The following IRAK2 variants were observed in gnomAD, a reference collection of about 807,000 sequenced individuals.
IRAK2 encodes interleukin-1 receptor-associated kinase-like 2.
IRAK2 carries 57 observed loss-of-function variants against 72.0 expected under a neutral mutation model. The observed-to-expected ratio is 0.79, with a 90% CI of 0.64 to 0.99. IRAK2 has a LOEUF of 0.99. Ranked by LOEUF, IRAK2 falls within the 50% of genes least tolerant of loss-of-function variation. The pLI is 0.00. For synonymous variants in IRAK2, 293 were observed against 312.7 expected, an observed-to-expected ratio of 0.94 and a Z score of 0.67; for missense variants, 790 against 794.4, an observed-to-expected ratio of 0.99 and a Z score of 0.07.
chr3:10,211,787 T>C (rs1170915185), intron 4 of IRAK2, among the ~76,000 whole-genome samples: 1 of 151,946 alleles, frequency 6.6e-6, no homozygotes, highest in Non-Finnish European at 1.5e-5. Context: ...TTAAAAAAAT[T>C]GAAATTTAGG....
At chr3:10,210,885 A>T (rs776808) in intron 4 of IRAK2, among the ~76,000 whole-genome samples, 2 of 151,942 alleles carry the variant, frequency 1.3e-5, no homozygotes, top group Non-Finnish European at 2.9e-5. Context: ...TTTTTTGAGG[A>T]GTCTCGCTCC....
rs370720952 is a variant in IRAK2, at chr3:10,237,082, T to C, written c.1474-1666T>C. Among the ~76,000 whole-genome samples, 8 of 152,242 alleles carry C rather than the reference T, an allele frequency of 5.3e-5. No individual in the cohort carries two copies. In the South Asian group the frequency reaches 6.2e-4, roughly 12 times the overall value. On this transcript the variant is annotated intron_variant, in intron 11 of 12. Coordinates refer to ENST00000256458, the MANE Select transcript of IRAK2 (RefSeq NM_001570.4). Reference sequence around the variant, plus strand: ...ACACACTCCCTTTCTTTTAAAGATATAACCTGGAAATGCATCACTTTTTCT... The same window carrying C: ...ACACACTCCCTTTCTTTTAAAGATACAACCTGGAAATGCATCACTTTTTCT...
In IRAK2 at chr3:10,226,440, G is replaced by T; in HGVS notation, c.1272+7G>T. On this transcript the variant is annotated splice_region_variant and intron_variant, in intron 10 of 12. Coordinates refer to ENST00000256458, the MANE Select transcript of IRAK2 (RefSeq NM_001570.4). Reference sequence around the variant, plus strand: ...CCGAAGCCCGGTTTACCTGGTAAGGGAACTTGTCACATCTGGCTGGGAGGT... The same window carrying T: ...CCGAAGCCCGGTTTACCTGGTAAGGTAACTTGTCACATCTGGCTGGGAGGT... The T allele has an allele frequency of 1.9e-6, 3 of 1,611,984 alleles. No homozygotes were observed. The highest frequency in any genetic ancestry group is 3.3e-4 in the Middle Eastern group (2 of 6,048).
intron 11 of IRAK2, among the ~76,000 whole-genome samples, chr3:10,235,653 T>C (rs911752296): frequency 5.3e-5 from 8 of 152,150 alleles, no homozygotes; most frequent in African/African-American, 1.4e-4. Context: ...ACACCCACTT[T>C]TGACTTCTCT....
rs1378065880 is a variant in IRAK2 at position 10,238,745 on chromosome 3, A to G, written c.1474-3A>G. On this transcript the variant is annotated splice_polypyrimidine_tract_variant and splice_region_variant and intron_variant, in intron 11 of 12. Transcript: ENST00000256458. The stretch of plus-strand genomic sequence containing the variant: ...GAGCTCCCTTCTCTCTCTTCTCCCA[A>G]AGGTGTGTGGCTCTGTGGCTGCTGT... 6.2e-7 allele frequency: 1 copy of G among 1,613,232 alleles called. No individual in the cohort carries two copies. Among genetic ancestry groups the G allele is most frequent in the Non-Finnish European group, 8.5e-7 (1 of 1,179,510 alleles).
intron 1 of IRAK2, among the ~76,000 whole-genome samples, chr3:10,175,508 C>A (rs896566520): frequency 6.6e-6 from 1 of 152,232 alleles, no homozygotes; most frequent in African/African-American, 2.4e-5. Context: ...AATCCCAGCA[C>A]TTTAAGAGGT....
At chr3:10,201,016 G>C (rs952991341) in intron 3 of IRAK2, among the ~76,000 whole-genome samples, 1 of 152,186 alleles carries the variant, frequency 6.6e-6, no homozygotes, top group Non-Finnish European at 1.5e-5. Context: ...GAAACATACT[G>C]ACAATATCGG....
chr3:10,166,546 T>C (rs934716871), intron 1 of IRAK2, among the ~76,000 whole-genome samples: 2 of 152,194 alleles, frequency 1.3e-5, no homozygotes, highest in Non-Finnish European at 2.9e-5. Flanking sequence ...AGATGATAAT[T>C]ATAGCTTCTT....
intron 1 of IRAK2, among the ~76,000 whole-genome samples, chr3:10,172,537 CAAAAA>C (rs71055803): frequency 2.9e-5 from 1 of 34,928 alleles, no homozygotes; most frequent in African/African-American, 1.2e-4. Flanking sequence ...AACTCCGACT[CAAAAA>C]AAAAAAAAAA....
intron 10 of IRAK2, among the ~76,000 whole-genome samples, chr3:10,231,127 C>A (rs1476714424): frequency 6.6e-6 from 1 of 152,060 alleles, no homozygotes; most frequent in Non-Finnish European, 1.5e-5. Flanking sequence ...ATTATTTTAA[C>A]AGCTTTTAGG....
At chr3:10,176,582 A>G (rs1473177764) in intron 1 of IRAK2, among the ~76,000 whole-genome samples, 2 of 151,326 alleles carry the variant, frequency 1.3e-5, no homozygotes, top group African/African-American at 4.9e-5. Flanking sequence ...GGTTCATGAC[A>G]TTCTCCTGCC....
chr3:10,194,619 T>G (rs2125149571), intron 2 of IRAK2, among the ~76,000 whole-genome samples: 1 of 152,244 alleles, frequency 6.6e-6, no homozygotes, highest in African/African-American at 2.4e-5. Context: ...CGTTGCGTCT[T>G]TCTAGCTAGC....
At chr3:10,170,900 G>A (rs73121459) in intron 1 of IRAK2, among the ~76,000 whole-genome samples, 1,958 of 152,350 alleles carry the variant, frequency 0.013, 33 homozygotes, top group African/African-American at 0.045. Context: ...ACGAGTGACT[G>A]TGATTGACCC....
At chr3:10,236,180 G>T (rs1697954489) in intron 11 of IRAK2, among the ~76,000 whole-genome samples, 1 of 151,992 alleles carries the variant, frequency 6.6e-6, no homozygotes, top group Non-Finnish European at 1.5e-5. Context: ...AATGGCCTGA[G>T]CTGAGAGAGA....
At chr3:10,203,570 C>T (rs536434059) in intron 3 of IRAK2, among the ~76,000 whole-genome samples, 3 of 152,250 alleles carry the variant, frequency 2.0e-5, no homozygotes, top group African/African-American at 7.2e-5. Context: ...CCTGTGATAC[C>T]CTGGCTCCCC....
At chr3:10,230,309 T>A in intron 10 of IRAK2, among the ~76,000 whole-genome samples, 1 of 151,132 alleles carries the variant, frequency 6.6e-6, no homozygotes, top group Non-Finnish European at 1.5e-5. Context: ...GGTATGTTTG[T>A]TTGTTATCAT....
At chr3:10,187,304 TG>T (rs1410118949) in intron 2 of IRAK2, among the ~76,000 whole-genome samples, 1 of 152,230 alleles carries the variant, frequency 6.6e-6, no homozygotes. Flanking sequence ...TCCCATCTTC[TG>T]GCAAAGACTA....
chr3:10,215,751 TACACACACAC>T (rs145978380), intron 6 of IRAK2, among the ~76,000 whole-genome samples: 2 of 150,026 alleles, frequency 1.3e-5, no homozygotes, highest in South Asian at 2.1e-4. Flanking sequence ...CTCACATGTG[TACACACACAC>T]ACACACACAC....
intron 11 of IRAK2, among the ~76,000 whole-genome samples, chr3:10,237,080 T>C (rs896664212): frequency 6.6e-6 from 1 of 152,238 alleles, no homozygotes; most frequent in African/African-American, 2.4e-5. Context: ...CTTTTAAAGA[T>C]ATAACCTGGA....
Sources: gnomAD v4.1 joint callset for allele counts (sites outside exome capture counted in the v4.1 genomes callset) on GRCh38, gnomAD v4.1.1 for gene constraint, MANE v1.5 for transcripts, NCBI Gene and HGNC (gene_info 2026-07-23, HGNC 2026-07-21) for gene names.